TRAPPC3: variants seen among roughly 807,000 people sequenced by gnomAD.
TRAPPC3 encodes trafficking protein particle complex 3.
A neutral mutation model predicts 18.2 loss-of-function variants in TRAPPC3; 5 were observed. That is an observed-to-expected ratio of 0.28 (90% CI 0.14 to 0.58). The LOEUF (loss-of-function observed/expected upper bound fraction) is 0.58. TRAPPC3 is among the 20% of genes least tolerant of loss of function. TRAPPC3 has a pLI of 0.91. For synonymous variants in TRAPPC3, 65 were observed against 84.2 expected, an observed-to-expected ratio of 0.77 and a Z score of 1.25; for missense variants, 176 against 225.9, an observed-to-expected ratio of 0.78 and a Z score of 1.41.
At chr1:36,148,357 G>A (rs1385166032) in intron 1 of TRAPPC3, among the ~76,000 whole-genome samples, 1 of 152,120 alleles carries the variant, frequency 6.6e-6, no homozygotes, top group East Asian at 1.9e-4. Context: ...CACTTTGGGA[G>A]GCCGAGACAG....
chr1:36,139,235 T>C (rs1190097545), intron 3 of TRAPPC3, among the ~76,000 whole-genome samples: 2 of 145,300 alleles, frequency 1.4e-5, no homozygotes, highest in African/African-American at 5.1e-5. Context: ...CTCGGCTCAC[T>C]GCAACCTCCG....
intron 3 of TRAPPC3, chr1:36,138,336 G>A: frequency 7.4e-7 from 1 of 1,350,572 alleles, no homozygotes; most frequent in Non-Finnish European, 1.0e-6. Flanking sequence ...GAGTGCAGAG[G>A]CCCTAACCCA....
At chr1:36,153,264 C>T (rs1243553850), upstream of TRAPPC3, among the ~76,000 whole-genome samples, 1 of 152,192 alleles carries the variant, frequency 6.6e-6, no homozygotes, top group African/African-American at 2.4e-5. Flanking sequence ...ACTCTTAACC[C>T]TCTTGGTTGC....
Position 36,136,949 on chromosome 1 carries a change from G to A in TRAPPC3, c.*254C>T, listed in dbSNP as rs890630355. 8.8e-6 allele frequency: 3 copies of A among 341,406 alleles called. No homozygotes were observed. The highest frequency in any genetic ancestry group is 1.6e-5 in the Non-Finnish European group (3 of 188,078). The allele number at this position is 341,406 out of a possible 1,614,324, so 21.1% of individuals were successfully genotyped here. A position where few individuals can be genotyped will look rare whatever the true frequency, so the allele number is the denominator to read the frequency against. ...TGTAAAATGGTTTGAGCTCTTTCTA[G>A]TCCAACCAAAGGTGATTACATCCAG... On this transcript the variant is annotated 3_prime_UTR_variant, in exon 5 of 5. Transcript: ENST00000373166.
intron 1 of TRAPPC3, among the ~76,000 whole-genome samples, chr1:36,142,931 C>T (rs1352543475): frequency 6.6e-6 from 1 of 152,110 alleles, no homozygotes; most frequent in African/African-American, 2.4e-5. Context: ...ACTTGGGAGG[C>T]TGAGGCGGGA....
At chr1:36,155,197 CCCG>C (rs1191678652) in intron 1 of TRAPPC3, among the ~76,000 whole-genome samples, 1 of 152,216 alleles carries the variant, frequency 6.6e-6, no homozygotes, top group Non-Finnish European at 1.5e-5. Context: ...CTCCTCCTCC[CCCG>C]CAACCCAAGT....
At chr1:36,151,613 AAACAAC>A (rs760973469), upstream of TRAPPC3, among the ~76,000 whole-genome samples, 1 of 151,914 alleles carries the variant, frequency 6.6e-6, no homozygotes, top group Admixed American at 6.6e-5. Flanking sequence ...CCTTGTCTCA[AAACAAC>A]AACAACAACA....
chr1:36,149,526 G>T (rs989426232), upstream of TRAPPC3: 4 of 1,027,774 alleles, frequency 3.9e-6, no homozygotes, highest in Non-Finnish European at 4.3e-6. Flanking sequence ...GGGCACCACG[G>T]GACTAGTGGT....
intron 4 of TRAPPC3, chr1:36,137,527 G>A (rs1358958156): frequency 7.9e-6 from 5 of 635,624 alleles, no homozygotes; most frequent in Non-Finnish European, 1.3e-5. Flanking sequence ...GAATACCCAA[G>A]AATGAGACTG....
chr1:36,149,238 G>T (rs1157329073), intron 1 of TRAPPC3, 99 bp downstream of exon 1: 2 of 1,568,736 alleles, frequency 1.3e-6, no homozygotes, highest in Non-Finnish European at 1.7e-6. Context: ...GAGCTCACAG[G>T]AAGGCCCTTT....
chr1:36,155,366 G>A (rs528280921), intron 1 of TRAPPC3, among the ~76,000 whole-genome samples: 11 of 152,312 alleles, frequency 7.2e-5, no homozygotes, highest in Admixed American at 3.3e-4. Flanking sequence ...GGGCTACTTT[G>A]GGGAGTGGAT....
Position 36,139,770 on chromosome 1 carries a change from T to A in TRAPPC3, c.190A>T (p.Asn64Tyr). Residue 64 changes from asparagine (N) to tyrosine (Y), a missense_variant, in exon 3 of 5, where the codon AAT becomes TAT. Around this residue, in one of 2 missense-constraint regions of TRAPPC3, gnomAD observed 147 missense variants for 164.3 expected, o/e 0.89. Coordinates refer to ENST00000373166, the MANE Select transcript of TRAPPC3 (RefSeq NM_014408.5). ...CGAAAGTCATGGCACCTCCCAACATTTGACCGAGCCAAGAAATCTTCAATC... is the reference window on the plus strand; with the variant it reads ...CGAAAGTCATGGCACCTCCCAACATATGACCGAGCCAAGAAATCTTCAATC... Reference protein sequence around the residue: ...RLIEDFLARSNVGRCHDFRET... With the variant: ...RLIEDFLARSYVGRCHDFRET... The A allele has an allele frequency of 6.2e-7, 1 of 1,614,094 alleles. No homozygotes were observed.
upstream of TRAPPC3, among the ~76,000 whole-genome samples, chr1:36,153,333 A>C (rs556629594): frequency 4.4e-4 from 67 of 152,218 alleles, no homozygotes; most frequent in Non-Finnish European, 1.9e-4. Flanking sequence ...AGAGGAGTCC[A>C]CTTCCTCTGT....
At chr1:36,150,945 G>A (rs551999924), upstream of TRAPPC3, among the ~76,000 whole-genome samples, 5 of 152,270 alleles carry the variant, frequency 3.3e-5, no homozygotes, top group South Asian at 1.0e-3. Context: ...CCTCCCTGCC[G>A]GCTGCCCTTG....
At chr1:36,139,565 A>T (rs1644076547) in intron 3 of TRAPPC3, 155 bp downstream of exon 3, 1 of 924,026 alleles carries the variant, frequency 1.1e-6, no homozygotes, top group African/African-American at 1.7e-5. Context: ...AATCTATGCT[A>T]TTCCCTAACG....
At position 36,149,318 on chromosome 1, in the gene TRAPPC3, G is replaced by A. The variant is rs755537221; in HGVS notation, c.42+19C>T. The A allele has an allele frequency of 3.7e-6, 6 of 1,613,530 alleles. No individual in the cohort carries two copies. Among genetic ancestry groups the A allele is most frequent in the Non-Finnish European group, 2.5e-6 (3 of 1,179,806 alleles). On this transcript the variant is annotated intron_variant, in intron 1 of 4. Coordinates refer to ENST00000373166, the MANE Select transcript of TRAPPC3 (RefSeq NM_014408.5). The stretch of plus-strand genomic sequence containing the variant: ...CCTCAATTTCGCCCCGCCCGCCGAG[G>A]TCACGCGCTCCAAGTTACCATTTTC...
At chr1:36,144,329 AAAG>A (rs951053949) in intron 1 of TRAPPC3, among the ~76,000 whole-genome samples, 16 of 150,792 alleles carry the variant, frequency 1.1e-4, no homozygotes, top group African/African-American at 3.7e-4. Context: ...AGTCATAAAG[AAAG>A]AAGATTTTGA....
rs113956269 is a variant in TRAPPC3, at chr1:36,136,573, T to C, written c.*630A>G. The C allele has an allele frequency of 1.9e-4, 29 of 152,596 alleles. No individual in the cohort carries two copies. Among genetic ancestry groups the C allele is most frequent in the African/African-American group, 6.8e-4 (28 of 41,442 alleles). The allele number at this position is 152,596 out of a possible 1,614,324, so 9.5% of individuals were successfully genotyped here. A position where few individuals can be genotyped will look rare whatever the true frequency, so the allele number is the denominator to read the frequency against. On this transcript the variant is annotated 3_prime_UTR_variant, in exon 5 of 5. Coordinates refer to ENST00000373166, the MANE Select transcript of TRAPPC3 (RefSeq NM_014408.5). ...AAGCAGAAAGAAAACAGGACATGAT[T>C]GGGATTTCACTCAAGAATGTGTCTT...
intron 4 of TRAPPC3, 51 bp from the exon 5 acceptor site, chr1:36,137,373 G>A (rs1219068211): frequency 6.3e-7 from 1 of 1,582,088 alleles, no homozygotes; most frequent in Non-Finnish European, 8.7e-7. Flanking sequence ...ACAGCCTCTA[G>A]GGAACCAGTG....
Sources: allele counts gnomAD v4.1 joint callset (sites outside exome capture counted in the v4.1 genomes callset), GRCh38; gene constraint gnomAD v4.1.1; regional missense constraint gnomAD v4.1.1; transcripts MANE v1.5; gene names NCBI Gene and HGNC (gene_info 2026-07-23, HGNC 2026-07-21).